B3GALT5: variants seen among roughly 807,000 people sequenced by gnomAD.
B3GALT5 encodes the protein beta-1,3-galactosyltransferase 5.
For missense variants in B3GALT5, 328 were observed against 396.6 expected (o/e 0.83, Z 1.47); for synonymous variants, 156 against 158.6 (o/e 0.98, Z 0.12).
chr21:39,652,410 T>C (rs1639630843), intron 2 of B3GALT5, among the ~76,000 whole-genome samples: 1 of 152,232 alleles, frequency 6.6e-6, no homozygotes, highest in Non-Finnish European at 1.5e-5. Context: ...CATGCAGCAC[T>C]TCCCAACCGT....
At chr21:39,628,797 G>C (rs1056155882) in intron 1 of B3GALT5, among the ~76,000 whole-genome samples, 1 of 152,178 alleles carries the variant, frequency 6.6e-6, no homozygotes. Context: ...GTGCTTACTG[G>C]TCTCTGGATT....
At chr21:39,637,749 T>C (rs2079238978) in intron 1 of B3GALT5, among the ~76,000 whole-genome samples, 2 of 152,162 alleles carry the variant, frequency 1.3e-5, no homozygotes, top group Non-Finnish European at 1.5e-5. Context: ...AGAGAGACAA[T>C]GGTTTTTCTA....
In B3GALT5 at chr21:39,639,400, T is replaced by TCCTTC. The variant is rs2079265420; in HGVS notation, c.-391-6992_-391-6991insCCTTC. 1.3e-3 allele frequency among the ~76,000 whole-genome samples: 74 copies of TCCTTC among 57,192 alleles called. 1 individual carries two copies. Among genetic ancestry groups the TCCTTC allele is most frequent in the East Asian group, 4.0e-3 (8 of 2,022 alleles). 37.5% of individuals were successfully genotyped at this position (57,192 alleles called of 152,430 possible). On this transcript the variant is annotated intron_variant, in intron 1 of 3. Coordinates refer to ENST00000684187, the MANE Select transcript of B3GALT5 (RefSeq NM_001356336.2). ...CTTCCTTCCTTCCTTCCTTCTTTCT[T>TCCTTC]TTTCTTTCTTTCTTTCTTTCTTTCT...
chr21:39,616,288 T>C (rs1404383260), intron 1 of B3GALT5, among the ~76,000 whole-genome samples: 1 of 152,208 alleles, frequency 6.6e-6, no homozygotes, highest in African/African-American at 2.4e-5. Context: ...TTCTAATTTA[T>C]TCATTTTTCC....
chr21:39,653,992 AC>A lies in B3GALT5; in HGVS notation c.-160-5760del, dbSNP rs2079418189. 8.5e-5 allele frequency among the ~76,000 whole-genome samples: 13 copies of A among 152,326 alleles called. 1 individual carries two copies. The South Asian group carries it at 2.7e-3, about 32-fold the overall frequency. ...CTCTCCTGTTTGGATCTAGATTGAT[AC>A]AATAATTTTTTGCAATTATGAGCAA... On this transcript the variant is annotated intron_variant, in intron 2 of 3. Transcript: ENST00000684187.
At chr21:39,628,548 G>A (rs1396075622) in intron 1 of B3GALT5, among the ~76,000 whole-genome samples, 1 of 152,338 alleles carries the variant, frequency 6.6e-6, no homozygotes, top group Admixed American at 6.5e-5. Flanking sequence ...CATATTTCCT[G>A]GAGGACGTTT....
chr21:39,626,307 AT>A (rs1339270915), intron 1 of B3GALT5, among the ~76,000 whole-genome samples: 2 of 152,112 alleles, frequency 1.3e-5, no homozygotes, highest in African/African-American at 2.4e-5. Context: ...TATATATAGC[AT>A]TTTGTTTGTC....
chr21:39,660,498 G>C (rs1162635012), intron 3 of B3GALT5, 62 bp from the exon 4 acceptor site: 2 of 1,327,456 alleles, frequency 1.5e-6, no homozygotes, highest in East Asian at 2.6e-5. Flanking sequence ...CAGCCTCCTA[G>C]CATAAAACTA....
At chr21:39,632,879 T>G (rs7283782) in intron 1 of B3GALT5, among the ~76,000 whole-genome samples, 5,813 of 152,264 alleles carry the variant, frequency 0.038, 295 homozygotes, top group African/African-American at 0.11. Context: ...GGTTATGCAC[T>G]CTATCCAGTT....
chr21:39,655,603 G>A (rs2079435123), intron 2 of B3GALT5, among the ~76,000 whole-genome samples: 1 of 152,122 alleles, frequency 6.6e-6, no homozygotes, highest in South Asian at 2.1e-4. Context: ...AGGTCTGATG[G>A]GGTCTGAAGC....
At chr21:39,646,310 C>T (rs1207582665) in intron 1 of B3GALT5, 82 bp from the exon 2 acceptor site, 1 of 152,134 alleles carries the variant, frequency 6.6e-6, no homozygotes, top group East Asian at 1.9e-4. Flanking sequence ...GCCAGATTCT[C>T]TTTCTTCTGA....
In B3GALT5 at chr21:39,659,777, T is replaced by C; in HGVS notation, c.-136T>C. 2.0e-6 allele frequency: 2 copies of C among 985,364 alleles called. No individual in the cohort carries two copies. The highest frequency in any genetic ancestry group is 2.4e-6 in the Non-Finnish European group (2 of 829,906). 61.0% of individuals were successfully genotyped at this position (985,364 alleles called of 1,614,324 possible). A position where few individuals can be genotyped will look rare whatever the true frequency, so the allele number is the denominator to read the frequency against. On this transcript the variant is annotated 5_prime_UTR_variant, in exon 3 of 4. Transcript: ENST00000684187. ...GTGATTCCTGTCAGAATCACCATTT[T>C]TGGTAAACAAACCAAGCCCAGAACC...
In B3GALT5 at chr21:39,660,690, TC is replaced by T. The variant is rs1357728746; in HGVS notation, c.133del (p.Lys46SerfsTer18). ...QSFVYKKDGN[F>X]LKLPDTDCRQ... Reference sequence around the variant, plus strand: ...TTTGTTTACAAGAAAGACGGGAACTTCCTTAAGCTCCCAGATACAGACTGCA... The same window carrying T: ...TTTGTTTACAAGAAAGACGGGAACTTCTTAAGCTCCCAGATACAGACTGCA... On this transcript the variant is annotated frameshift_variant, in exon 4 of 4. Coordinates refer to ENST00000684187, the MANE Select transcript of B3GALT5 (RefSeq NM_001356336.2). LOFTEE classifies it low-confidence loss of function (END_TRUNC). The T allele has an allele frequency of 6.4e-7, 1 of 1,560,186 alleles. No homozygotes were observed. The highest frequency in any genetic ancestry group is 8.7e-7 in the Non-Finnish European group (1 of 1,154,970).
chr21:39,641,467 A>G (rs2837105), intron 1 of B3GALT5, among the ~76,000 whole-genome samples: 13,717 of 152,310 alleles, frequency 0.09, 758 homozygotes, highest in Admixed American at 0.15. Context: ...TTAGATGAAA[A>G]AAAAGTTCTT....
rs1027495541 is a variant in B3GALT5 at position 39,661,349 on chromosome 21, C to T, written c.790C>T (p.Pro264Ser). 6.2e-7 allele frequency: 1 copy of T among 1,611,640 alleles called. No homozygotes were observed. The highest frequency in any genetic ancestry group is 8.5e-7 in the Non-Finnish European group (1 of 1,179,048). Residue 264 changes from proline to serine, a missense_variant, in exon 4 of 4, where the codon CCG becomes TCG. Physicochemically the swap from Pro to Ser is moderately conservative, Grantham distance 74. Transcript: ENST00000684187. This position sits in a 1 kb window ranked among gnomAD's most constrained non-coding sequence, Gnocchi z 4.7. ...CAGATTGGAGGAGCTCCACTCCCAG[C>T]CGACCTTTTTTCCAGGGGGCTTACG... ...NIRLEELHSQ[P>S]TFFPGGLRFS...
intron 2 of B3GALT5, among the ~76,000 whole-genome samples, chr21:39,655,657 A>G (rs2079435830): frequency 6.6e-6 from 1 of 152,156 alleles, no homozygotes; most frequent in Non-Finnish European, 1.5e-5. Context: ...AGGAAAAGAA[A>G]ACAGCAGAGG....
In B3GALT5 at chr21:39,673,065, T is replaced by G. The variant is rs1351339538; in HGVS notation, c.*11573T>G. The G allele has an allele frequency of 6.6e-6, 1 of 152,236 alleles. No individual in the cohort carries two copies. Among genetic ancestry groups the G allele is most frequent in the Non-Finnish European group, 1.5e-5 (1 of 68,044 alleles). 9.4% of individuals were successfully genotyped at this position (152,236 alleles called of 1,614,324 possible). ...ACTTCTAGAGTCTTTGATGATAAGT[T>G]GTCTTTGCGGTACAGATTGGCTCCT... is the stretch of plus-strand genomic sequence containing the variant. On this transcript the variant is annotated 3_prime_UTR_variant, in exon 4 of 4. Coordinates refer to ENST00000684187, the MANE Select transcript of B3GALT5 (RefSeq NM_001356336.2). The surrounding 1 kb of genome is among the most constrained non-coding windows in gnomAD (Gnocchi z 5.2).
rs2079521315 is a variant in B3GALT5, at chr21:39,661,371, T to TAA, written c.813_814insAA (p.Arg272AsnfsTer29). 6.2e-7 allele frequency: 1 copy of TAA among 1,605,334 alleles called. No individual in the cohort carries two copies. The highest frequency in any genetic ancestry group is 8.5e-7 in the Non-Finnish European group (1 of 1,176,042). On this transcript the variant is annotated frameshift_variant, in exon 4 of 4. Transcript: ENST00000684187. LOFTEE classifies it low-confidence loss of function (END_TRUNC). This position sits in a 1 kb window ranked among gnomAD's most constrained non-coding sequence, Gnocchi z 4.7. ...CAGCCGACCTTTTTTCCAGGGGGCT[T>TAA]ACGCTTCTCCGTATGCCTCTTCAGG...
At chr21:39,645,186 G>C (rs1432578639) in intron 1 of B3GALT5, among the ~76,000 whole-genome samples, 2 of 152,158 alleles carry the variant, frequency 1.3e-5, no homozygotes, top group East Asian at 3.9e-4. Flanking sequence ...ACCGTTCCCG[G>C]AGTCTTACTT....
Sources: gnomAD v4.1 joint callset for allele counts (sites outside exome capture counted in the v4.1 genomes callset) on GRCh38, gnomAD v4.1.1 for gene constraint, Gnocchi (gnomAD v3.1) non-coding constraint, MANE v1.5 for transcripts, NCBI Gene and HGNC (gene_info 2026-07-23, HGNC 2026-07-21) for gene names.